The following SUPT3H variants were observed in gnomAD, a reference collection of about 807,000 sequenced individuals.
The protein encoded by SUPT3H is transcription initiation protein SPT3 homolog.
A neutral mutation model predicts 44.3 loss-of-function variants in SUPT3H; 44 were observed. The observed-to-expected ratio is 0.99, with a 90% confidence interval of 0.78 to 1.28. SUPT3H has a LOEUF of 1.28. Among genes scored for constraint, SUPT3H ranks in the 50% most tolerant of loss-of-function variants. SUPT3H has a pLI of 0.00. For synonymous variants in SUPT3H, 124 were observed against 125.6 expected, an observed-to-expected ratio of 0.99 and a Z score of 0.09; for missense variants, 380 against 387.1, an observed-to-expected ratio of 0.98 and a Z score of 0.15.
At chr6:44,988,906 C>G (rs1198350234) in intron 6 of SUPT3H, among the ~76,000 whole-genome samples, 2 of 151,962 alleles carry the variant, frequency 1.3e-5, no homozygotes, top group African/African-American at 4.8e-5. Flanking sequence ...TTCTTTTCTT[C>G]CTGGTTTTGA....
At chr6:45,100,698 T>G (rs1798450989) in intron 3 of SUPT3H, among the ~76,000 whole-genome samples, 1 of 152,064 alleles carries the variant, frequency 6.6e-6, no homozygotes, top group African/African-American at 2.4e-5. Context: ...AACAAGGTTA[T>G]AATTAATAAT....
At chr6:45,217,490 T>A (rs940293658) in intron 2 of SUPT3H, among the ~76,000 whole-genome samples, 11 of 148,612 alleles carry the variant, frequency 7.4e-5, no homozygotes, top group African/African-American at 2.5e-4. Flanking sequence ...TAAAATAAAA[T>A]AAAATAAAAT....
chr6:44,947,858 G>T (rs949771280), intron 9 of SUPT3H, among the ~76,000 whole-genome samples: 4 of 152,082 alleles, frequency 2.6e-5, no homozygotes, highest in South Asian at 2.1e-4. Flanking sequence ...CAGATTAATA[G>T]AACTAAATAC....
chr6:45,334,038 T>G (rs564177248), intron 2 of SUPT3H, among the ~76,000 whole-genome samples: 1 of 151,432 alleles, frequency 6.6e-6, no homozygotes, highest in East Asian at 1.9e-4. Flanking sequence ...TTAACATTAT[T>G]CCCAGAAATA....
At chr6:45,069,079 GAATC>G (rs968131194) in intron 3 of SUPT3H, among the ~76,000 whole-genome samples, 4 of 151,926 alleles carry the variant, frequency 2.6e-5, no homozygotes, top group Non-Finnish European at 5.9e-5. Flanking sequence ...GCACAATAGA[GAATC>G]AATAAGTACT....
At chr6:45,059,758 G>A (rs564250346) in intron 3 of SUPT3H, among the ~76,000 whole-genome samples, 10 of 151,396 alleles carry the variant, frequency 6.6e-5, no homozygotes, top group Non-Finnish European at 1.5e-4. Flanking sequence ...ATAAAATATT[G>A]ATTTTAAAAT....
intron 2 of SUPT3H, among the ~76,000 whole-genome samples, chr6:45,288,855 G>A (rs1047985999): frequency 2.0e-5 from 3 of 151,760 alleles, no homozygotes; most frequent in East Asian, 1.9e-4. Flanking sequence ...CCCATCCTCT[G>A]TCCATTGATC....
At chr6:45,214,990 G>A (rs139998773) in intron 2 of SUPT3H, among the ~76,000 whole-genome samples, 137 of 152,102 alleles carry the variant, frequency 9.0e-4, no homozygotes, top group Middle Eastern at 3.4e-3. Context: ...AACCTACCCC[G>A]TGGCTCCTAC....
At chr6:45,209,244 G>C (rs1266524423) in intron 2 of SUPT3H, among the ~76,000 whole-genome samples, 1 of 152,138 alleles carries the variant, frequency 6.6e-6, no homozygotes, top group Admixed American at 6.5e-5. Flanking sequence ...CAAGGAGTCA[G>C]CTCAACTTTC....
chr6:45,093,854 C>T (rs1482547142), intron 3 of SUPT3H, among the ~76,000 whole-genome samples: 1 of 151,856 alleles, frequency 6.6e-6, no homozygotes, highest in Non-Finnish European at 1.5e-5. Context: ...AGAAAAAAAC[C>T]TAATATGATT....
intron 10 of SUPT3H, among the ~76,000 whole-genome samples, chr6:44,888,118 A>G (rs1326235647): frequency 6.6e-6 from 1 of 152,202 alleles, no homozygotes; most frequent in Non-Finnish European, 1.5e-5. Context: ...TTGTGGCAAT[A>G]ATCAATGGCT....
intron 6 of SUPT3H, among the ~76,000 whole-genome samples, chr6:44,989,493 C>T (rs1039169923): frequency 6.6e-6 from 1 of 152,074 alleles, no homozygotes; most frequent in African/African-American, 2.4e-5. Context: ...TTTGAGGTAT[C>T]AAGATCATTT....
intron 2 of SUPT3H, among the ~76,000 whole-genome samples, chr6:45,143,390 C>T (rs1351409467): frequency 3.9e-5 from 6 of 152,054 alleles, no homozygotes; most frequent in Non-Finnish European, 8.8e-5. Flanking sequence ...TAGAAATTAA[C>T]TCCAAAAGGA....
At chr6:44,998,830 G>C (rs546360847) in intron 6 of SUPT3H, among the ~76,000 whole-genome samples, 1 of 151,578 alleles carries the variant, frequency 6.6e-6, no homozygotes, top group Non-Finnish European at 1.5e-5. Context: ...CTATGCTTTA[G>C]TTGAATGTTT....
At chr6:44,907,887 A>T (rs912507343) in intron 10 of SUPT3H, among the ~76,000 whole-genome samples, 1 of 152,186 alleles carries the variant, frequency 6.6e-6, no homozygotes, top group African/African-American at 2.4e-5. Context: ...GTTAAGTTAA[A>T]GAAAAAGAAA....
intron 3 of SUPT3H, among the ~76,000 whole-genome samples, chr6:45,020,948 C>T (rs1017065263): frequency 1.3e-5 from 2 of 151,842 alleles, no homozygotes; most frequent in Non-Finnish European, 2.9e-5. Context: ...GAAATTTTAT[C>T]CTTCATACTC....
intron 2 of SUPT3H, among the ~76,000 whole-genome samples, chr6:45,177,079 G>C (rs1676916438): frequency 6.6e-6 from 1 of 152,234 alleles, no homozygotes; most frequent in African/African-American, 2.4e-5. Context: ...GAATGACTTT[G>C]ACTAGCTGAG....
intron 3 of SUPT3H, among the ~76,000 whole-genome samples, chr6:45,043,206 A>G (rs904944505): frequency 6.6e-6 from 1 of 151,854 alleles, no homozygotes; most frequent in African/African-American, 2.4e-5. Context: ...GGCAAATTAC[A>G]AAAAGAGTAT....
At chr6:45,286,707 G>T (rs1452595037) in intron 2 of SUPT3H, among the ~76,000 whole-genome samples, 1 of 152,030 alleles carries the variant, frequency 6.6e-6, no homozygotes, top group African/African-American at 2.4e-5. Flanking sequence ...ATCTTGAACT[G>T]GAAATACCAT....
Sources: allele counts gnomAD v4.1 joint callset (sites outside exome capture counted in the v4.1 genomes callset), GRCh38; gene constraint gnomAD v4.1.1; transcripts MANE v1.5; gene names NCBI Gene and HGNC (gene_info 2026-07-23, HGNC 2026-07-21).